The following UGGT1 variants were observed in gnomAD, a reference collection of about 807,000 sequenced individuals.
UGGT1 encodes UDP-glucose glycoprotein glucosyltransferase 1, also known as UDP-glucose:glycoprotein glucosyltransferase 1.
A neutral mutation model predicts 203.9 loss-of-function variants in UGGT1; 107 were observed. The ratio of observed to expected loss-of-function variants is 0.52; its 90% confidence interval spans 0.45 to 0.62. UGGT1 has a LOEUF of 0.62. UGGT1 is among the 20% of genes least tolerant of loss of function. The pLI, the probability that UGGT1 is intolerant of heterozygous loss-of-function variation, is 0.00. For synonymous variants in UGGT1, 628 were observed against 653.5 expected, an observed-to-expected ratio of 0.96 and a Z score of 0.59; for missense variants, 1,673 against 1,867.2, an observed-to-expected ratio of 0.90 and a Z score of 1.92.
Position 128,176,859 on chromosome 2 carries a change from C to A in UGGT1, c.3585C>A (p.Ile1195=). The A allele has an allele frequency of 6.2e-7, 1 of 1,614,114 alleles. No homozygotes were observed. The highest frequency in any genetic ancestry group is 1.7e-5 in the Admixed American group (1 of 60,004). The change falls in exon 32 of 41, where the codon ATC becomes ATA. Residue 1195 remains isoleucine, a synonymous_variant. Coordinates refer to ENST00000259253, the MANE Select transcript of UGGT1 (RefSeq NM_020120.4). The stretch of plus-strand genomic sequence containing the variant: ...CCCCTGATGCTGATGAGGTGGTTAT[C>A]GTCCTCAACAACTTCAAAAGCAAAA... ...DSPPDADEVV[I]VLNNFKSKII...
intron 13 of UGGT1, among the ~76,000 whole-genome samples, chr2:128,131,345 G>C (rs183075100): frequency 1.4e-4 from 22 of 152,234 alleles, no homozygotes; most frequent in Admixed American, 1.3e-3. Context: ...CTTTAGCTCA[G>C]GAGTTGGAGA....
intron 36 of UGGT1, among the ~76,000 whole-genome samples, chr2:128,181,761 C>G (rs772831482): frequency 6.6e-6 from 1 of 152,174 alleles, no homozygotes; most frequent in African/African-American, 2.4e-5. Flanking sequence ...TTACGATGGG[C>G]AAGGCATTAT....
intron 14 of UGGT1, among the ~76,000 whole-genome samples, chr2:128,133,867 TAG>T (rs139896072): frequency 7.1e-4 from 106 of 148,994 alleles, no homozygotes; most frequent in East Asian, 9.8e-4. Context: ...TGCACTGCTT[TAG>T]AGAGAGAGAG....
At chr2:128,103,839 G>T in intron 2 of UGGT1, 93 bp from the exon 3 acceptor site, 1 of 812,660 alleles carries the variant, frequency 1.2e-6, no homozygotes, top group Non-Finnish European at 1.9e-6. Context: ...ATGGACATTT[G>T]GAAACTTCAA....
At chr2:128,180,259 G>A (rs964940898) in intron 35 of UGGT1, among the ~76,000 whole-genome samples, 1 of 152,186 alleles carries the variant, frequency 6.6e-6, no homozygotes, top group East Asian at 1.9e-4. Flanking sequence ...TGCTTCCTCT[G>A]TGCAAAACAA....
intron 33 of UGGT1, 117 bp from the exon 34 acceptor site, chr2:128,178,351 G>A: frequency 1.1e-6 from 1 of 877,592 alleles, no homozygotes; most frequent in East Asian, 2.5e-5. Flanking sequence ...AACCACTCCT[G>A]CTGCAGCTCA....
Position 128,139,615 on chromosome 2 carries a change from C to T in UGGT1, c.1719+763C>T, listed in dbSNP as rs572566500. Among the ~76,000 whole-genome samples the T allele has an allele frequency of 1.1e-4, 17 of 152,220 alleles. No homozygotes were observed. The South Asian group carries it at 2.7e-3, about 24-fold the overall frequency. ...TCTGAGGCTTGTAACACTTGGTTGG[C>T]AGGTGACAGTCAGCAGGGGATCTGG... On this transcript the variant is annotated intron_variant, in intron 16 of 40. Coordinates refer to ENST00000259253, the MANE Select transcript of UGGT1 (RefSeq NM_020120.4).
intron 18 of UGGT1, among the ~76,000 whole-genome samples, chr2:128,148,589 C>G (rs1689803202): frequency 6.6e-6 from 1 of 152,178 alleles, no homozygotes; most frequent in South Asian, 2.1e-4. Context: ...CCTTAGTCTT[C>G]CATTTTTGCT....
chr2:128,162,268 C>T (rs1690565925), intron 25 of UGGT1, among the ~76,000 whole-genome samples: 2 of 145,390 alleles, frequency 1.4e-5, no homozygotes, highest in Non-Finnish European at 3.0e-5. Flanking sequence ...TTTTGGATGT[C>T]ACTTTCTTAC....
At chr2:128,177,512 C>T (rs1357235689) in intron 32 of UGGT1, among the ~76,000 whole-genome samples, 2 of 152,174 alleles carry the variant, frequency 1.3e-5, no homozygotes, top group South Asian at 2.1e-4. Flanking sequence ...TTCCCTGGAA[C>T]TAGCTGTTGA....
At chr2:128,150,665 TAAC>T (rs1689910368) in intron 18 of UGGT1, among the ~76,000 whole-genome samples, 1 of 78,990 alleles carries the variant, frequency 1.3e-5, no homozygotes, top group Non-Finnish European at 2.7e-5. Flanking sequence ...TTTTAATTAA[TAAC>T]TTTTTTTTTT....
At chr2:128,165,979 C>T (rs71420829) in intron 26 of UGGT1, among the ~76,000 whole-genome samples, 24,921 of 151,998 alleles carry the variant, frequency 0.16, 2,413 homozygotes, top group South Asian at 0.32. Context: ...CCAGGCTGGT[C>T]TCAAACTCCT....
chr2:128,169,510 C>T (rs960276309), intron 26 of UGGT1, among the ~76,000 whole-genome samples: 10 of 152,174 alleles, frequency 6.6e-5, no homozygotes, highest in African/African-American at 1.7e-4. Context: ...ACTTATTAGC[C>T]GCAAAGTATT....
At chr2:128,174,882 A>G (rs1691296282) in intron 31 of UGGT1, 24 bp downstream of exon 31, 4 of 1,589,578 alleles carry the variant, frequency 2.5e-6, no homozygotes, top group African/African-American at 2.7e-5. Context: ...ATGCAGTTAC[A>G]TTATCCCAGA....
In UGGT1 at chr2:128,190,700, G is replaced by C. The variant is rs994492182; in HGVS notation, c.*958G>C. 3.3e-5 allele frequency: 5 copies of C among 152,278 alleles called. No homozygotes were observed. The highest frequency in any genetic ancestry group is 5.9e-5 in the Non-Finnish European group (4 of 68,154). The allele number at this position is 152,278 out of a possible 1,614,324, so 9.4% of individuals were successfully genotyped here. A position where few individuals can be genotyped will look rare whatever the true frequency, so the allele number is the denominator to read the frequency against. ...GGTCAGGGTCAGGCTCCCTCAAGAC[G>C]AGCACCGCATTGTCTGCCCTCTTTT... On this transcript the variant is annotated 3_prime_UTR_variant, in exon 41 of 41. Coordinates refer to ENST00000259253, the MANE Select transcript of UGGT1 (RefSeq NM_020120.4).
At chr2:128,135,635 GTATGCCT>G (rs553619040) in intron 15 of UGGT1, among the ~76,000 whole-genome samples, 89 of 152,228 alleles carry the variant, frequency 5.8e-4, no homozygotes, top group African/African-American at 2.1e-3. Context: ...CTGTAAACAT[GTATGCCT>G]TATTCTACCT....
chr2:128,125,942 C>CTTT (rs34988352), intron 11 of UGGT1, among the ~76,000 whole-genome samples: 1 of 131,868 alleles, frequency 7.6e-6, no homozygotes, highest in African/African-American at 2.7e-5. Flanking sequence ...TAAATATATA[C>CTTT]TTTTTTTTTT....
intron 2 of UGGT1, among the ~76,000 whole-genome samples, chr2:128,099,143 TA>T (rs1687250768): frequency 1.3e-5 from 2 of 152,226 alleles, no homozygotes; most frequent in Middle Eastern, 6.8e-3. Context: ...TATATATATA[TA>T]TTTTTTTGAG....
intron 1 of UGGT1, among the ~76,000 whole-genome samples, chr2:128,094,766 T>G (rs1315228346): frequency 1.5e-5 from 1 of 67,930 alleles, no homozygotes; most frequent in African/African-American, 5.2e-5. Context: ...TTTTTTTTTT[T>G]GAGACGGAGT....
Sources: gnomAD v4.1 joint callset for allele counts (sites outside exome capture counted in the v4.1 genomes callset) on GRCh38, gnomAD v4.1.1 for gene constraint, MANE v1.5 for transcripts, NCBI Gene and HGNC (gene_info 2026-07-23, HGNC 2026-07-21) for gene names.